The following UNC13C variants were observed in gnomAD, a reference collection of about 807,000 sequenced individuals.
The protein encoded by UNC13C is protein unc-13 homolog C.
Under a neutral mutation model 245.4 loss-of-function variants are expected in UNC13C, and 174 were observed. The ratio of observed to expected loss-of-function variants is 0.71; its 90% confidence interval spans 0.63 to 0.80. UNC13C has a LOEUF of 0.80. Among genes scored for constraint, UNC13C ranks in the 30% least tolerant of loss-of-function variants. The pLI is 0.00. For missense variants in UNC13C, 2,829 were observed against 2,602.9 expected (o/e 1.09, Z -1.89); for synonymous variants, 992 against 895.1 (o/e 1.11, Z -1.93).
At chr15:54,203,461 A>AGT (rs1346825939) in intron 4 of UNC13C, among the ~76,000 whole-genome samples, 20 of 128,508 alleles carry the variant, frequency 1.6e-4, no homozygotes, top group African/African-American at 4.8e-4. Flanking sequence ...AAGAAAATGT[A>AGT]GTGTGTGTGT....
the UNC13C span, among the ~76,000 whole-genome samples, chr15:53,847,523 T>A: frequency 7.8e-5 from 3 of 38,246 alleles, no homozygotes. Context: ...TGCCTGGCTA[T>A]TTTTTTTTTT....
chr15:53,912,465 G>A, the UNC13C span: 1 of 152,224 alleles, frequency 6.6e-6, no homozygotes, highest in Non-Finnish European at 1.5e-5. Context: ...ACCTGGATAA[G>A]TTTCTGGGAA....
chr15:54,232,962 A>G (rs2035593282), intron 4 of UNC13C, among the ~76,000 whole-genome samples: 1 of 152,166 alleles, frequency 6.6e-6, no homozygotes, highest in South Asian at 2.1e-4. Context: ...GGTGGGAAGG[A>G]ATATGGAAAG....
rs78332644 is a variant in UNC13C at position 54,364,473 on chromosome 15, T to C, written c.4713+25984T>C. Among the ~76,000 whole-genome samples the C allele has an allele frequency of 9.6e-3, 1,456 of 152,338 alleles. 28 individuals are homozygous for C. The highest frequency in any genetic ancestry group is 0.033 in the African/African-American group (1,354 of 41,578). ...CAAATCAATGCTCGTTTTTCTTAGA[T>C]GTAGGGAGCTACTGGGGTTTAATGT... On this transcript the variant is annotated intron_variant, in intron 17 of 32. Transcript: ENST00000260323.
chr15:54,471,221 T>C (rs1350482498), intron 19 of UNC13C, among the ~76,000 whole-genome samples: 1 of 151,490 alleles, frequency 6.6e-6, no homozygotes. Flanking sequence ...GTTATGTCTG[T>C]TATAGTTCAA....
At chr15:54,260,762 TAAC>T (rs927620825) in intron 8 of UNC13C, among the ~76,000 whole-genome samples, 7 of 149,486 alleles carry the variant, frequency 4.7e-5, no homozygotes, top group African/African-American at 1.5e-4. Context: ...GTTACGTATA[TAAC>T]AACTTCAATA....
Position 54,457,539 on chromosome 15 carries a change from A to G in UNC13C, c.4934-37069A>G, listed in dbSNP as rs183458686. On this transcript the variant is annotated intron_variant, in intron 19 of 32. Transcript: ENST00000260323. ...TTTTTTGGCAATTTTTTTAAAGACT[A>G]TTTTAGTCTTGCTACTTGTTCTTGC... Among the ~76,000 whole-genome samples, 329 of 152,094 alleles carry G rather than the reference A, an allele frequency of 2.2e-3. 6 individuals are homozygous for G. Among genetic ancestry groups the G allele is most frequent in the Non-Finnish European group, 6.8e-4 (46 of 67,912 alleles).
At chr15:54,141,143 C>T (rs550078947) in intron 2 of UNC13C, among the ~76,000 whole-genome samples, 1 of 152,110 alleles carries the variant, frequency 6.6e-6, no homozygotes, top group African/African-American at 2.4e-5. Context: ...CATTGTTTTC[C>T]AAACTAGTTG....
chr15:54,183,407 A>C (rs193211870), intron 4 of UNC13C, among the ~76,000 whole-genome samples: 2 of 151,404 alleles, frequency 1.3e-5, no homozygotes, highest in African/African-American at 4.8e-5. Context: ...TACTTATCTA[A>C]ATAACCAGCA....
chr15:54,418,579 A>G (rs73417797), intron 19 of UNC13C, among the ~76,000 whole-genome samples: 12,548 of 152,126 alleles, frequency 0.082, 591 homozygotes, highest in African/African-American at 0.12. Flanking sequence ...ACACTAAAGC[A>G]TTTGGGGCAT....
At chr15:54,192,975 A>T (rs771893957) in intron 4 of UNC13C, among the ~76,000 whole-genome samples, 2 of 151,964 alleles carry the variant, frequency 1.3e-5, no homozygotes, top group African/African-American at 4.8e-5. Flanking sequence ...ATTTTTATTC[A>T]TTTTTTAAAT....
At chr15:54,040,587 A>G (rs889653033) in intron 2 of UNC13C, among the ~76,000 whole-genome samples, 2 of 152,108 alleles carry the variant, frequency 1.3e-5, no homozygotes, top group Admixed American at 1.3e-4. Flanking sequence ...GTATTTTTCA[A>G]CAACTCCCTA....
At chr15:54,424,839 A>G (rs915228842) in intron 19 of UNC13C, among the ~76,000 whole-genome samples, 1 of 151,832 alleles carries the variant, frequency 6.6e-6, no homozygotes, top group African/African-American at 2.4e-5. Context: ...TCTTGGAGAG[A>G]AAACAAAAAT....
At chr15:54,105,905 C>T (rs539252781) in intron 2 of UNC13C, among the ~76,000 whole-genome samples, 26 of 152,204 alleles carry the variant, frequency 1.7e-4, no homozygotes, top group Non-Finnish European at 3.1e-4. Context: ...GAAGCCATCA[C>T]CATCCTTTGA....
chr15:53,856,961 C>T, the UNC13C span, among the ~76,000 whole-genome samples: 1 of 152,026 alleles, frequency 6.6e-6, no homozygotes, highest in Non-Finnish European at 1.5e-5. Flanking sequence ...TCTGGGTGCT[C>T]CTGTATTGGG....
intron 19 of UNC13C, among the ~76,000 whole-genome samples, chr15:54,416,248 G>A (rs946578622): frequency 6.6e-6 from 1 of 152,144 alleles, no homozygotes; most frequent in Non-Finnish European, 1.5e-5. Flanking sequence ...TGGAAAATAG[G>A]TTGCGAGAGT....
At chr15:54,069,328 C>T (rs964511319) in intron 2 of UNC13C, among the ~76,000 whole-genome samples, 1 of 152,188 alleles carries the variant, frequency 6.6e-6, no homozygotes, top group Non-Finnish European at 1.5e-5. Context: ...ATTTTGGAAG[C>T]CTCGTGTACT....
chr15:54,435,116 T>C (rs1430153541), intron 19 of UNC13C, among the ~76,000 whole-genome samples: 2 of 152,148 alleles, frequency 1.3e-5, no homozygotes, highest in African/African-American at 4.8e-5. Flanking sequence ...ATAGGAATGC[T>C]TTTACACTGT....
chr15:54,259,812 A>G (rs1004018781), intron 8 of UNC13C, among the ~76,000 whole-genome samples: 2 of 152,234 alleles, frequency 1.3e-5, no homozygotes, highest in Non-Finnish European at 2.9e-5. Flanking sequence ...TAATGATGGG[A>G]ATACAGCCTC....
Sources: allele counts gnomAD v4.1 joint callset (sites outside exome capture counted in the v4.1 genomes callset), GRCh38; gene constraint gnomAD v4.1.1; transcripts MANE v1.5; gene names NCBI Gene and HGNC (gene_info 2026-07-23, HGNC 2026-07-21).